Variants in APBA1 observed in about 807,000 individuals in gnomAD.
APBA1 encodes the protein amyloid-beta A4 precursor protein-binding family A member 1.
In APBA1, 55 loss-of-function variants were observed where a neutral mutation model predicts 86.6. The ratio of observed to expected loss-of-function variants is 0.64; its 90% CI spans 0.51 to 0.80. The LOEUF (loss-of-function observed/expected upper bound fraction) is 0.80, where lower values mean the gene tolerates loss of function less well. APBA1 is among the 30% of genes least tolerant of loss of function. APBA1 has a pLI of 0.00. For missense variants in APBA1, 1,090 were observed against 1,183.0 expected, an observed-to-expected ratio of 0.92 and a Z score of 1.15; for synonymous variants, 511 against 493.9, an observed-to-expected ratio of 1.03 and a Z score of -0.46.
chr9:69,514,235 C>T (rs1235768175), intron 2 of APBA1, among the ~76,000 whole-genome samples: 1 of 152,142 alleles, frequency 6.6e-6, no homozygotes, highest in Non-Finnish European at 1.5e-5. Flanking sequence ...GGGAAGGATA[C>T]CCTGATACCA....
At chr9:69,559,028 T>C (rs564883370) in intron 1 of APBA1, among the ~76,000 whole-genome samples, 1 of 152,314 alleles carries the variant, frequency 6.6e-6, no homozygotes, top group South Asian at 2.1e-4. Flanking sequence ...CTCCTCAAAG[T>C]CATTATTATT....
chr9:69,449,785 C>T lies in APBA1; in HGVS notation c.1980G>A (p.Glu660=), dbSNP rs761769779. Residue 660 remains glutamate, a synonymous_variant, in exon 10 of 13, where the codon GAG becomes GAA. Coordinates refer to ENST00000265381, the MANE Select transcript of APBA1 (RefSeq NM_001163.4). The part of the protein sequence containing the change: ...KSENCKDVFI[E]KQKGEILGVV... ...CACCTAGGATTTCTCCTTTCTGCTT[C>T]TCTATGAAAACCTGGAAGGAGAAAA... 6 of 1,610,192 alleles carry T rather than the reference C, an allele frequency of 3.7e-6. No individual in the cohort carries two copies. The highest frequency in any genetic ancestry group is 3.3e-5 in the Admixed American group (2 of 59,944).
chr9:69,499,395 A>G (rs902499804), intron 2 of APBA1, among the ~76,000 whole-genome samples: 6 of 152,054 alleles, frequency 3.9e-5, no homozygotes, highest in Non-Finnish European at 8.8e-5. Flanking sequence ...TCCCATTTCA[A>G]CTTCATCCCT....
At chr9:69,572,686 C>A (rs12552437) in intron 1 of APBA1, among the ~76,000 whole-genome samples, 2,725 of 152,232 alleles carry the variant, frequency 0.018, 30 homozygotes, top group Non-Finnish European at 0.024. Flanking sequence ...TGAGCATTTG[C>A]CACATTTTGT....
intron 1 of APBA1, among the ~76,000 whole-genome samples, chr9:69,521,272 A>C (rs1836247402): frequency 6.6e-6 from 1 of 152,200 alleles, no homozygotes; most frequent in African/African-American, 2.4e-5. Flanking sequence ...TCACCCCTTT[A>C]GTCCATCTCC....
intron 8 of APBA1, among the ~76,000 whole-genome samples, chr9:69,454,690 C>T (rs566068262): frequency 6.6e-6 from 1 of 152,208 alleles, no homozygotes; most frequent in Admixed American, 6.5e-5. Context: ...CTGATGGATC[C>T]AAGGGTACCC....
intron 2 of APBA1, among the ~76,000 whole-genome samples, chr9:69,488,400 G>A (rs1189220167): frequency 6.6e-6 from 1 of 151,994 alleles, no homozygotes; most frequent in Non-Finnish European, 1.5e-5. Flanking sequence ...AAGAATTCGT[G>A]TACAGTTGGA....
intron 11 of APBA1, among the ~76,000 whole-genome samples, chr9:69,439,494 C>CT (rs1435199569): frequency 1.3e-5 from 2 of 152,222 alleles, no homozygotes; most frequent in African/African-American, 2.4e-5. Context: ...TCTTTTTATT[C>CT]TTTTTTCTCT....
rs1199394322 is a variant in APBA1, at chr9:69,516,563, G to A, written c.648C>T (p.Tyr216=). 1.4e-5 allele frequency: 23 copies of A among 1,599,696 alleles called. No homozygotes were observed. Among genetic ancestry groups the A allele is most frequent in the Middle Eastern group, 1.7e-4 (1 of 6,040 alleles). ...ELDARDGLRL[Y]EQERDEAAAY... ...CGGCCGCCTCGTCGCGCTCCTGCTC[G>A]TAGAGCCGCAGGCCGTCGCGTGCGT... The change falls in exon 2 of 13, where the codon TAC becomes TAT. Residue 216 remains tyrosine, a synonymous_variant. Transcript: ENST00000265381. The surrounding 1 kb of genome is among the most constrained non-coding windows in gnomAD (Gnocchi z 7.3).
At chr9:69,546,496 C>T (rs11139279) in intron 1 of APBA1, among the ~76,000 whole-genome samples, 57,984 of 152,026 alleles carry the variant, frequency 0.38, 12,235 homozygotes, top group Non-Finnish European at 0.47. Context: ...ATGGCTTCCA[C>T]GGTCACAGAT....
intron 1 of APBA1, among the ~76,000 whole-genome samples, chr9:69,542,348 A>T (rs992565906): frequency 6.6e-6 from 1 of 152,232 alleles, no homozygotes; most frequent in Non-Finnish European, 1.5e-5. Flanking sequence ...ATATAATGAC[A>T]TGTATCCACC....
intron 5 of APBA1, chr9:69,461,009 G>T (rs1223277851): frequency 6.6e-6 from 1 of 152,238 alleles, no homozygotes; most frequent in African/African-American, 2.4e-5. Flanking sequence ...GGGAGTACAG[G>T]CGTGAGCCAC....
rs767329771 is a variant in APBA1, at chr9:69,517,226, G to A, written c.-16C>T. ...AGTGGTTCATGGTGGGAGTCGGAAC[G>A]GCTAGGAGAGAAGCTGGGCCCGGCT... On this transcript the variant is annotated 5_prime_UTR_variant, in exon 2 of 13. Transcript: ENST00000265381. 2.1e-6 allele frequency: 3 copies of A among 1,451,330 alleles called. No individual in the cohort carries two copies. Among genetic ancestry groups the A allele is most frequent in the Non-Finnish European group, 2.7e-6 (3 of 1,102,274 alleles). 89.9% of individuals were successfully genotyped at this position (1,451,330 alleles called of 1,614,324 possible).
intron 1 of APBA1, among the ~76,000 whole-genome samples, chr9:69,530,638 G>T (rs566143423): frequency 1.3e-5 from 2 of 152,198 alleles, no homozygotes; most frequent in South Asian, 4.2e-4. Context: ...TTGCGTAATG[G>T]ATACACCAGA....
intron 2 of APBA1, among the ~76,000 whole-genome samples, chr9:69,489,956 C>A (rs951295073): frequency 2.0e-5 from 3 of 152,088 alleles, no homozygotes; most frequent in Non-Finnish European, 4.4e-5. Flanking sequence ...ACCATTTGAT[C>A]CTGCCATCCC....
chr9:69,604,156 G>A (rs745481265), intron 1 of APBA1, among the ~76,000 whole-genome samples: 15 of 152,256 alleles, frequency 9.9e-5, no homozygotes, highest in Non-Finnish European at 1.5e-4. Flanking sequence ...GTTAGACAGC[G>A]TTTGTGGGGG....
intron 1 of APBA1, among the ~76,000 whole-genome samples, chr9:69,523,534 GAC>G (rs377194151): frequency 2.2e-4 from 23 of 103,146 alleles, no homozygotes; most frequent in Non-Finnish European, 3.6e-4. Flanking sequence ...TATATATATA[GAC>G]ACACACACAC....
At chr9:69,468,286 A>C (rs1835312566) in intron 4 of APBA1, among the ~76,000 whole-genome samples, 1 of 152,246 alleles carries the variant, frequency 6.6e-6, no homozygotes, top group African/African-American at 2.4e-5. Context: ...CTTAGGGGAC[A>C]AGGACCATGT....
chr9:69,476,210 A>T, intron 2 of APBA1, 67 bp from the exon 3 acceptor site: 1 of 1,165,086 alleles, frequency 8.6e-7, no homozygotes, highest in Non-Finnish European at 1.3e-6. Flanking sequence ...GCTGGGGGAA[A>T]GGGGCCGGGA....
Sources: gnomAD v4.1 joint callset for allele counts (sites outside exome capture counted in the v4.1 genomes callset) on GRCh38, gnomAD v4.1.1 for gene constraint, Gnocchi (gnomAD v3.1) non-coding constraint, MANE v1.5 for transcripts, NCBI Gene and HGNC (gene_info 2026-07-23, HGNC 2026-07-21) for gene names.